DMD: variants seen among roughly 807,000 people sequenced by gnomAD.
DMD encodes dystrophin, also known as mutant dystrophin.
Under a neutral mutation model 330.1 loss-of-function variants are expected in DMD, and 63 were observed. The observed-to-expected ratio is 0.19, with a 90% CI of 0.16 to 0.24. DMD has a LOEUF of 0.24. Ranked by LOEUF, DMD falls within the 10% of genes least tolerant of loss-of-function variation. DMD has a pLI of 1.00. For synonymous variants in DMD, 1,223 were observed against 959.8 expected (o/e 1.27, Z -5.07); for missense variants, 3,344 against 2,684.1 (o/e 1.25, Z -5.43).
At chrX:33,074,658 G>C (rs752369941) in intron 1 of DMD, among the ~76,000 whole-genome samples, 5 of 110,990 alleles carry the variant, frequency 4.5e-5, no homozygotes, top group Non-Finnish European at 9.4e-5. Flanking sequence ...AGAGAGACCT[G>C]AGCTAGCAAG....
At chrX:31,729,548 G>T in intron 52 of DMD, 83 bp downstream of exon 52, 1 of 677,446 alleles carries the variant, frequency 1.5e-6, no homozygotes, top group Non-Finnish European at 2.5e-6. Flanking sequence ...TTATAAATGT[G>T]AGGGGGATAT....
chrX:32,806,469 A>G (rs1362731325), intron 7 of DMD, among the ~76,000 whole-genome samples: 1 of 110,859 alleles, frequency 9.0e-6, no homozygotes, highest in Non-Finnish European at 1.9e-5. Flanking sequence ...AGAGACCTAC[A>G]TAGAGACAGA....
intron 17 of DMD, among the ~76,000 whole-genome samples, chrX:32,526,978 TGA>T (rs780038410): frequency 8.9e-6 from 1 of 112,256 alleles, no homozygotes; most frequent in Admixed American, 9.4e-5. Flanking sequence ...GTGTAAACTT[TGA>T]GAGTGGAAGT....
At chrX:32,972,946 G>A (rs1211047929) in intron 2 of DMD, among the ~76,000 whole-genome samples, 2 of 111,677 alleles carry the variant, frequency 1.8e-5, no homozygotes, top group African/African-American at 3.3e-5. Context: ...AGTTTGTCTA[G>A]GATGCCATGG....
intron 55 of DMD, among the ~76,000 whole-genome samples, chrX:31,606,481 G>A (rs1267159957): frequency 9.0e-6 from 1 of 111,650 alleles, no homozygotes; most frequent in East Asian, 2.8e-4. Flanking sequence ...GACTTCTCCT[G>A]TTATAATATT....
At position 32,614,212 on chromosome X, in the gene DMD, C is replaced by G. The variant is rs12010638; in HGVS notation, c.1482+91G>C. 3,590 of 900,970 alleles carry G rather than the reference C, an allele frequency of 4.0e-3. 82 individuals carry two copies. The African/African-American group carries it at 0.066, about 16-fold the overall frequency. The allele number at this position is 900,970 out of a possible 1,213,427, so 74.3% of individuals were successfully genotyped here. ...GCTGACTTTAAGTTTTAATTCTCTC[C>G]CATCAACCATGTCATCTGTGTTACT... is the stretch of plus-strand genomic sequence containing the variant. On this transcript the variant is annotated intron_variant, in intron 12 of 78. Coordinates refer to ENST00000357033, the MANE Select transcript of DMD (RefSeq NM_004006.3).
chrX:32,353,674 T>C (rs760816697), intron 37 of DMD, among the ~76,000 whole-genome samples: 29 of 111,411 alleles, frequency 2.6e-4, no homozygotes, highest in African/African-American at 9.4e-4. Context: ...GCATAGGTTT[T>C]GGACACTTTT....
chrX:32,377,634 G>A (rs1230283663), intron 34 of DMD, among the ~76,000 whole-genome samples: 1 of 111,192 alleles, frequency 9.0e-6, no homozygotes, highest in Admixed American at 9.6e-5. Context: ...CTTCTTTCCA[G>A]GAAAAAGATA....
At chrX:33,057,031 C>T (rs2094526136) in intron 1 of DMD, among the ~76,000 whole-genome samples, 1 of 111,415 alleles carries the variant, frequency 9.0e-6, no homozygotes, top group South Asian at 3.7e-4. Flanking sequence ...TAATGATATA[C>T]GTGTAAGTAC....
chrX:32,387,545 T>A (rs748783180), intron 32 of DMD, among the ~76,000 whole-genome samples: 1 of 111,108 alleles, frequency 9.0e-6, no homozygotes, highest in Admixed American at 9.6e-5. Context: ...TTAAAAGTAA[T>A]GTCTAAAAAA....
chrX:32,847,008 T>TA (rs555647484), intron 3 of DMD, among the ~76,000 whole-genome samples: 84 of 104,599 alleles, frequency 8.0e-4, no homozygotes, highest in South Asian at 4.1e-3. Flanking sequence ...TCCATCAAAA[T>TA]AAAAAAAAAA....
At chrX:32,468,396 T>C (rs1413425278) in intron 23 of DMD, 102 bp downstream of exon 23, 3 of 732,875 alleles carry the variant, frequency 4.1e-6, no homozygotes, top group Non-Finnish European at 6.2e-6. Context: ...CTTTGAAAGA[T>C]GCTGAAGGTC....
At chrX:31,869,029 A>G (rs867943041) in intron 48 of DMD, among the ~76,000 whole-genome samples, 1 of 42,125 alleles carries the variant, frequency 2.4e-5, no homozygotes, top group African/African-American at 2.7e-4. Flanking sequence ...CTGCTCCTAA[A>G]AGAGAGTAGT....
chrX:32,704,177 G>A (rs1425929215), intron 7 of DMD, among the ~76,000 whole-genome samples: 1 of 109,964 alleles, frequency 9.1e-6, no homozygotes, highest in African/African-American at 3.4e-5. Flanking sequence ...CGGTCTGAAG[G>A]CAAATTCAAA....
intron 44 of DMD, among the ~76,000 whole-genome samples, chrX:32,189,187 A>G (rs1008503039): frequency 1.1e-4 from 12 of 110,681 alleles, no homozygotes; most frequent in Admixed American, 1.9e-4. Flanking sequence ...TTCTTTAAAA[A>G]TATTTCTTCT....
intron 7 of DMD, among the ~76,000 whole-genome samples, chrX:32,758,682 C>T (rs765088463): frequency 2.7e-5 from 3 of 111,104 alleles, no homozygotes; most frequent in African/African-American, 9.8e-5. Flanking sequence ...TGCAATTTGC[C>T]CTCACACAGG....
intron 9 of DMD, among the ~76,000 whole-genome samples, chrX:32,653,009 G>A (rs1257779788): frequency 9.0e-6 from 1 of 111,538 alleles, no homozygotes; most frequent in Non-Finnish European, 1.9e-5. Flanking sequence ...TGATAGGGTT[G>A]TTTTTTTCTT....
intron 44 of DMD, among the ~76,000 whole-genome samples, chrX:31,975,621 G>A (rs2095430559): frequency 8.9e-6 from 1 of 111,949 alleles, no homozygotes; most frequent in Admixed American, 9.5e-5. Flanking sequence ...TTACTAGCAT[G>A]CCTCTGAACA....
At chrX:32,224,764 T>C (rs1051384382) in intron 43 of DMD, among the ~76,000 whole-genome samples, 4 of 111,600 alleles carry the variant, frequency 3.6e-5, no homozygotes, top group Middle Eastern at 4.2e-3. Flanking sequence ...GTGAGCCTTG[T>C]TCTCAGGCTT....
Sources: gnomAD v4.1 joint callset for allele counts (sites outside exome capture counted in the v4.1 genomes callset) on GRCh38, gnomAD v4.1.1 for gene constraint, MANE v1.5 for transcripts, NCBI Gene and HGNC (gene_info 2026-07-23, HGNC 2026-07-21) for gene names.